UPP1: variants seen among roughly 807,000 people sequenced by gnomAD.
The protein encoded by UPP1 is uridine phosphorylase 1.
UPP1 carries 25 observed loss-of-function variants against 29.6 expected under a neutral mutation model. The observed-to-expected ratio is 0.85, with a 90% CI of 0.62 to 1.18. UPP1 has a LOEUF of 1.18. UPP1 is among the 50% of genes most tolerant of loss of function. UPP1 has a pLI of 0.00. For synonymous variants in UPP1, 165 were observed against 159.8 expected, an observed-to-expected ratio of 1.03 and a Z score of -0.25; for missense variants, 368 against 410.4, an observed-to-expected ratio of 0.90 and a Z score of 0.89.
intron 4 of UPP1, among the ~76,000 whole-genome samples, chr7:48,100,689 C>T (rs1297742705): frequency 1.3e-5 from 2 of 152,168 alleles, no homozygotes; most frequent in Non-Finnish European, 2.9e-5. Context: ...TCCAGTGCTG[C>T]TACATGGGAT....
intron 8 of UPP1, 62 bp downstream of exon 8, chr7:48,107,569 C>T (rs1387605756): frequency 5.9e-6 from 9 of 1,521,532 alleles, no homozygotes; most frequent in South Asian, 3.9e-5. Flanking sequence ...CTCCTGGAGC[C>T]CCTCGCTGGG....
intron 5 of UPP1, 104 bp downstream of exon 5, chr7:48,102,086 G>A: frequency 6.0e-6 from 8 of 1,327,654 alleles, no homozygotes; most frequent in Non-Finnish European, 7.2e-6. Context: ...CCTGCTTACT[G>A]TAAATGGCTG....
intron 6 of UPP1, among the ~76,000 whole-genome samples, chr7:48,104,355 G>A (rs779487692): frequency 3.3e-5 from 5 of 152,302 alleles, no homozygotes; most frequent in East Asian, 1.9e-4. Context: ...TTTTAAATAC[G>A]TGGTCTTGCT....
intron 8 of UPP1, 35 bp from the exon 9 acceptor site, chr7:48,108,183 G>A (rs1423122856): frequency 1.9e-6 from 3 of 1,594,468 alleles, no homozygotes; most frequent in South Asian, 2.2e-5. Context: ...TAGACCCCCG[G>A]CACCTTGCCT....
intron 4 of UPP1, among the ~76,000 whole-genome samples, chr7:48,100,429 C>T (rs114992168): frequency 1.2e-3 from 177 of 152,204 alleles, no homozygotes; most frequent in African/African-American, 4.1e-3. Flanking sequence ...TAAAAATTTC[C>T]TAGGGAAGCA....
intron 3 of UPP1, among the ~76,000 whole-genome samples, chr7:48,099,023 C>T: frequency 6.6e-6 from 1 of 152,146 alleles, no homozygotes; most frequent in Non-Finnish European, 1.5e-5. Flanking sequence ...ATGCAGCCTG[C>T]AAAACCACAT....
At chr7:48,098,573 T>C (rs1792247566) in intron 3 of UPP1, among the ~76,000 whole-genome samples, 1 of 152,082 alleles carries the variant, frequency 6.6e-6, no homozygotes, top group Admixed American at 6.5e-5. Context: ...GAATGGACAA[T>C]GTCTGTGAGG....
At position 48,099,917 on chromosome 7, in the gene UPP1, C is replaced by G. The variant is rs1366344000; in HGVS notation, c.162+130C>G. 2.7e-5 allele frequency: 18 copies of G among 664,370 alleles called. No individual in the cohort carries two copies. In the Admixed American group the frequency reaches 4.6e-4, roughly 17 times the overall value. 41.2% of individuals were successfully genotyped at this position (664,370 alleles called of 1,614,324 possible). A position where few individuals can be genotyped will look rare whatever the true frequency, so the allele number is the denominator to read the frequency against. ...AGGTTTATGAAGACATAATGTTTACCAAATTTTTGCAAGTTTTTAACTTTC... is the reference window on the plus strand; with the variant it reads ...AGGTTTATGAAGACATAATGTTTACGAAATTTTTGCAAGTTTTTAACTTTC... On this transcript the variant is annotated intron_variant, in intron 4 of 8. Transcript: ENST00000395564.
Position 48,101,834 on chromosome 7 carries a change from T to C in UPP1, c.173T>C (p.Val58Ala), listed in dbSNP as rs772295940. 2.5e-6 allele frequency: 4 copies of C among 1,613,816 alleles called. No homozygotes were observed. The highest frequency in any genetic ancestry group is 3.4e-6 in the Non-Finnish European group (4 of 1,179,916). ...ALFGDVKFVC[V>A]GGSPSRMKAF... Reference sequence around the variant, plus strand: ...CTTCTCTGGCTGCAGTTTGTGTGTGTTGGTGGAAGCCCCTCCCGGATGAAA... The same window carrying C: ...CTTCTCTGGCTGCAGTTTGTGTGTGCTGGTGGAAGCCCCTCCCGGATGAAA... The change falls in exon 5 of 9, where the codon GTT becomes GCT. Residue 58 changes from valine to alanine, a missense_variant. By Grantham distance (64) the Val-to-Ala change is moderately conservative. Coordinates refer to ENST00000395564, the MANE Select transcript of UPP1 (RefSeq NM_003364.4).
rs1393775450 is a variant in UPP1, at chr7:48,101,973, G to T, written c.312G>T (p.Leu104=). Residue 104 remains leucine (L), a synonymous_variant, in exon 5 of 9, where the codon CTG becomes CTT. Coordinates refer to ENST00000395564, the MANE Select transcript of UPP1 (RefSeq NM_003364.4). ...RYAMYKVGPV[L]SVSHGMGIPS... ...CCATGTATAAAGTAGGACCGGTGCT[G>T]TCTGTCAGTGTGAGTACCTGCCTTC... is the stretch of plus-strand genomic sequence containing the variant. 2 of 1,613,508 alleles carry T rather than the reference G, an allele frequency of 1.2e-6. No individual in the cohort carries two copies. The highest frequency in any genetic ancestry group is 1.7e-6 in the Non-Finnish European group (2 of 1,179,650).
chr7:48,094,434 T>C (rs186661553), intron 2 of UPP1, among the ~76,000 whole-genome samples: 2 of 152,214 alleles, frequency 1.3e-5, no homozygotes, highest in Admixed American at 6.5e-5. Flanking sequence ...CAGGCTTGTC[T>C]TGAACTCATG....
At chr7:48,107,651 C>A in intron 8 of UPP1, 144 bp downstream of exon 8, 4 of 949,198 alleles carry the variant, frequency 4.2e-6, no homozygotes, top group Non-Finnish European at 6.1e-6. Flanking sequence ...CACTTTCTGA[C>A]ATATGTGTTG....
intron 4 of UPP1, among the ~76,000 whole-genome samples, chr7:48,101,131 C>T (rs535872168): frequency 1.1e-3 from 175 of 152,242 alleles, no homozygotes; most frequent in Admixed American, 3.9e-3. Flanking sequence ...TGGTCTGGAA[C>T]GCCTGACCTC....
At chr7:48,100,974 T>A (rs565640262) in intron 4 of UPP1, among the ~76,000 whole-genome samples, 22 of 152,150 alleles carry the variant, frequency 1.4e-4, no homozygotes, top group Non-Finnish European at 2.6e-4. Context: ...TGGTGTGATC[T>A]CAGCTCACTG....
chr7:48,099,621 G>A (rs1161727580), intron 3 of UPP1, 49 bp from the exon 4 acceptor site: 2 of 1,310,942 alleles, frequency 1.5e-6, no homozygotes, highest in African/African-American at 1.5e-5. Context: ...AATGTCGGCT[G>A]TCGGGCACTG....
intron 4 of UPP1, among the ~76,000 whole-genome samples, chr7:48,101,614 A>T (rs1304942085): frequency 6.6e-6 from 1 of 152,098 alleles, no homozygotes; most frequent in Non-Finnish European, 1.5e-5. Context: ...CTGCCTTTTG[A>T]TGCTTGGCCG....
chr7:48,102,756 G>T (rs539547337), intron 5 of UPP1, among the ~76,000 whole-genome samples: 6 of 152,088 alleles, frequency 3.9e-5, no homozygotes, highest in Non-Finnish European at 7.4e-5. Flanking sequence ...GTGACACTAG[G>T]GGGGGTGCTC....
intron 3 of UPP1, among the ~76,000 whole-genome samples, chr7:48,098,576 C>T (rs554592116): frequency 1.3e-5 from 2 of 152,070 alleles, no homozygotes; most frequent in Non-Finnish European, 2.9e-5. Context: ...TGGACAATGT[C>T]TGTGAGGGGG....
chr7:48,099,573 C>A, intron 3 of UPP1, 97 bp from the exon 4 acceptor site: 1 of 831,892 alleles, frequency 1.2e-6, no homozygotes, highest in South Asian at 1.6e-5. Context: ...CTTTCTCCCA[C>A]CATGAGCCTC....
Sources: gnomAD v4.1 joint callset for allele counts (sites outside exome capture counted in the v4.1 genomes callset) on GRCh38, gnomAD v4.1.1 for gene constraint, MANE v1.5 for transcripts, NCBI Gene and HGNC (gene_info 2026-07-23, HGNC 2026-07-21) for gene names.